IFIH1: variants seen among roughly 807,000 people sequenced by gnomAD.
IFIH1 encodes interferon induced with helicase C domain 1, also known as interferon-induced helicase C domain-containing protein 1.
In IFIH1, 125 loss-of-function variants were observed where a neutral mutation model predicts 107.4. That is an observed-to-expected ratio of 1.16 (90% CI 1.01 to 1.35). IFIH1 has a LOEUF of 1.35. Among genes scored for constraint, IFIH1 ranks in the 40% most tolerant of loss-of-function variants. The pLI is 0.00. For synonymous variants in IFIH1, 458 were observed against 413.2 expected (o/e 1.11, Z -1.31); for missense variants, 1,333 against 1,213.7 (o/e 1.10, Z -1.46).
chr2:162,277,933 T>C (rs1193353949), intron 9 of IFIH1, among the ~76,000 whole-genome samples: 4 of 152,112 alleles, frequency 2.6e-5, no homozygotes, highest in Non-Finnish European at 5.9e-5. Context: ...AGAAATGGCA[T>C]GAAAATATAT....
At chr2:162,282,813 A>G (rs1682834494) in intron 5 of IFIH1, among the ~76,000 whole-genome samples, 1 of 151,874 alleles carries the variant, frequency 6.6e-6, no homozygotes, top group African/African-American at 2.4e-5. Flanking sequence ...ATGGTTGACA[A>G]CTCTGAGGAA....
chr2:162,318,007 C>G lies in IFIH1; in HGVS notation c.301G>C (p.Asp101His), dbSNP rs1576243308. 3 of 1,614,160 alleles carry G rather than the reference C, an allele frequency of 1.9e-6. No individual in the cohort carries two copies. Among genetic ancestry groups the G allele is most frequent in the Middle Eastern group, 3.3e-4 (2 of 6,062 alleles). ...TTCTCAAACGATGGAGAGGGCAAGTCCGTGAGCTCAGGGTTCATGTAGCGG... is the reference window on the plus strand; with the variant it reads ...TTCTCAAACGATGGAGAGGGCAAGTGCGTGAGCTCAGGGTTCATGTAGCGG... ...AARYMNPELT[D>H]LPSPSFENAH... Residue 101 changes from aspartate (D) to histidine (H), a missense_variant, in exon 1 of 16, where the codon GAC (aspartate) becomes CAC (histidine). Coordinates refer to ENST00000649979, the MANE Select transcript of IFIH1 (RefSeq NM_022168.4).
chr2:162,304,158 G>A lies in IFIH1; in HGVS notation c.769+2551C>T, dbSNP rs1004118490. On this transcript the variant is annotated intron_variant, in intron 3 of 15. Transcript: ENST00000649979. ...CAGCAGCACCAGAGTTTATGAGAAA[G>A]GTGGAATCGCATTACATTAAAAAAC... Among the ~76,000 whole-genome samples, 16 of 152,204 alleles carry A rather than the reference G, an allele frequency of 1.1e-4. 1 individual carries two copies. The highest frequency in any genetic ancestry group is 3.4e-4 in the African/African-American group (14 of 41,550).
intron 3 of IFIH1, among the ~76,000 whole-genome samples, chr2:162,304,852 A>G (rs1683253243): frequency 6.6e-6 from 1 of 152,260 alleles, no homozygotes; most frequent in South Asian, 2.1e-4. Context: ...CTTGGAGAAC[A>G]TGTAAATTGG....
intron 11 of IFIH1, among the ~76,000 whole-genome samples, chr2:162,275,321 TCTTA>T (rs2105195150): frequency 6.6e-6 from 1 of 152,306 alleles, no homozygotes; most frequent in Non-Finnish European, 1.5e-5. Flanking sequence ...AGCTTAGCCC[TCTTA>T]CAATAAAAGT....
intron 12 of IFIH1, among the ~76,000 whole-genome samples, chr2:162,272,996 T>G (rs1280293256): frequency 1.3e-5 from 2 of 152,228 alleles, no homozygotes; most frequent in Non-Finnish European, 2.9e-5. Context: ...AAATGTATTC[T>G]AAGTTTGATT....
intron 5 of IFIH1, among the ~76,000 whole-genome samples, chr2:162,286,467 T>C (rs1274500287): frequency 3.3e-5 from 5 of 151,906 alleles, no homozygotes; most frequent in African/African-American, 4.8e-5. Context: ...GAAAGCTGAA[T>C]CTCGAAGCCC....
chr2:162,318,396 T>A lies in IFIH1; in HGVS notation c.-89A>T, dbSNP rs182295775. The stretch of plus-strand genomic sequence containing the variant: ...GTGAAATGTGCGTGCCGCTGTCCGC[T>A]GCCCACTTAGAGAAGCAGGGTCTAC... On this transcript the variant is annotated 5_prime_UTR_variant, in exon 1 of 16. Coordinates refer to ENST00000649979, the MANE Select transcript of IFIH1 (RefSeq NM_022168.4). The A allele has an allele frequency of 6.7e-4, 734 of 1,099,178 alleles. 7 individuals carry two copies. In the African/African-American group the frequency reaches 0.011, roughly 16 times the overall value. 68.1% of individuals were successfully genotyped at this position (1,099,178 alleles called of 1,614,324 possible).
At position 162,310,920 on chromosome 2, in the gene IFIH1, T is replaced by C; in HGVS notation, c.467A>G (p.Glu156Gly). Residue 156 changes from glutamate (E) to glycine (G), a missense_variant, in exon 2 of 16, where the codon GAA becomes GGA. Glu to Gly is a moderately conservative substitution (Grantham distance 98). Transcript: ENST00000649979. Reference protein sequence around the residue: ...IEDRNRIAAAENNGNESGVRE... With the variant: ...IEDRNRIAAAGNNGNESGVRE... ...TACACCTGATTCATTTCCATTGTTT[T>C]CTGCAGCAGCAATCTGTTGTAAGAG... 1.2e-6 allele frequency: 2 copies of C among 1,612,956 alleles called. No homozygotes were observed. Among genetic ancestry groups the C allele is most frequent in the South Asian group, 1.1e-5 (1 of 90,906 alleles).
chr2:162,294,461 G>C (rs77088072), intron 3 of IFIH1, among the ~76,000 whole-genome samples: 2 of 151,860 alleles, frequency 1.3e-5, no homozygotes, highest in South Asian at 4.1e-4. Context: ...CAGAACTATC[G>C]TTAAACTGGT....
At chr2:162,309,718 C>T (rs1376322768) in intron 2 of IFIH1, among the ~76,000 whole-genome samples, 1 of 152,166 alleles carries the variant, frequency 6.6e-6, no homozygotes, top group East Asian at 1.9e-4. Flanking sequence ...TATGGATAGG[C>T]TGAGAATTTT....
rs764489663 is a variant in IFIH1, at chr2:162,272,241, C to G, written c.2601G>C (p.Glu867Asp). 2.2e-5 allele frequency: 35 copies of G among 1,611,676 alleles called. No homozygotes were observed. The East Asian group carries it at 7.1e-4, about 33-fold the overall frequency. ...CCAACAATACCTTATGAGCATACTC[C>G]TCTGGTTTCATATTTTGAACACAAT... ...AIHCVQNMKP[E>D]EYAHKILELQ... Residue 867 changes from glutamate (E) to aspartate (D), a missense_variant, in exon 13 of 16, where the codon GAG becomes GAC. By Grantham distance (45) the Glu-to-Asp change is conservative (BLOSUM62 2). Coordinates refer to ENST00000649979, the MANE Select transcript of IFIH1 (RefSeq NM_022168.4).
Position 162,306,794 on chromosome 2 carries a change from T to C in IFIH1, c.684A>G (p.Thr228=). 1.2e-6 allele frequency: 2 copies of C among 1,613,942 alleles called. No individual in the cohort carries two copies. Among genetic ancestry groups the C allele is most frequent in the East Asian group, 2.2e-5 (1 of 44,840 alleles). Residue 228 remains threonine, a synonymous_variant, in exon 3 of 16, where the codon ACA becomes ACG. Transcript: ENST00000649979. ...PQVEEQLLST[T]VQPNLEKEVW... is the part of the protein sequence containing the mutation. ...CCTCCTTCTCCAGATTTGGCTGAACTGTGGTTGAAAGAAGTTGCTCTTCCA... is the reference window on the plus strand; with the variant it reads ...CCTCCTTCTCCAGATTTGGCTGAACCGTGGTTGAAAGAAGTTGCTCTTCCA...
At chr2:162,290,739 C>T (rs1242467466) in intron 4 of IFIH1, among the ~76,000 whole-genome samples, 7 of 151,568 alleles carry the variant, frequency 4.6e-5, no homozygotes, top group Admixed American at 1.3e-4. Context: ...ATAGGTGGCC[C>T]TAAGTTTAAA....
At chr2:162,277,003 T>C (rs970346328) in intron 10 of IFIH1, 57 bp from the exon 11 acceptor site, 5 of 1,256,098 alleles carry the variant, frequency 4.0e-6, no homozygotes, top group African/African-American at 3.0e-5. Context: ...CACTCCACAA[T>C]GTACAGATAT....
intron 6 of IFIH1, 65 bp from the exon 7 acceptor site, chr2:162,281,610 A>G: frequency 8.1e-7 from 1 of 1,231,468 alleles, no homozygotes; most frequent in Non-Finnish European, 1.2e-6. Flanking sequence ...AAATAGCTTT[A>G]GACCAGTAAT....
At chr2:162,280,173 G>A (rs1409345713) in intron 7 of IFIH1, 61 bp from the exon 8 acceptor site, 19 of 874,696 alleles carry the variant, frequency 2.2e-5, no homozygotes, top group Admixed American at 4.3e-5. Flanking sequence ...TTTATTCAAC[G>A]TAGAACTCTT....
intron 2 of IFIH1, 193 bp from the exon 3 acceptor site, chr2:162,307,048 G>A (rs550930076): frequency 4.2e-6 from 2 of 472,216 alleles, no homozygotes; most frequent in Admixed American, 7.4e-5. Flanking sequence ...AATATAAATA[G>A]CTGTTATTGT....
At chr2:162,310,482 T>G (rs1683368352) in intron 2 of IFIH1, 1 of 499,982 alleles carries the variant, frequency 2.0e-6, no homozygotes, top group Admixed American at 3.8e-5. Flanking sequence ...TATTTAATGT[T>G]ACATAATCTT....
Sources: allele counts gnomAD v4.1 joint callset (sites outside exome capture counted in the v4.1 genomes callset), GRCh38; gene constraint gnomAD v4.1.1; transcripts MANE v1.5; gene names NCBI Gene and HGNC (gene_info 2026-07-23, HGNC 2026-07-21).